NFE2L3: variants seen among roughly 807,000 people sequenced by gnomAD.
NFE2L3 encodes nuclear factor erythroid 2-related factor 3.
A neutral mutation model predicts 23.5 loss-of-function variants in NFE2L3; 18 were observed. That is an observed-to-expected ratio of 0.77 (90% CI 0.53 to 1.13). The LOEUF is 1.13. Ranked by LOEUF, NFE2L3 falls within the 50% of genes most tolerant of loss-of-function variation. The pLI, the probability that NFE2L3 is intolerant of heterozygous loss-of-function variation, is 0.00. For missense variants in NFE2L3, 1,152 were observed against 877.2 expected, an observed-to-expected ratio of 1.31 and a Z score of -3.96; for synonymous variants, 424 against 354.5, an observed-to-expected ratio of 1.20 and a Z score of -2.20.
intron 1 of NFE2L3, chr7:26,173,714 G>T (rs1784358564): frequency 6.6e-6 from 1 of 152,144 alleles, no homozygotes; most frequent in Non-Finnish European, 1.5e-5. Flanking sequence ...CTCTATCAAA[G>T]TCTTAGGATA....
In NFE2L3 at chr7:26,187,032, A is replaced by G. The variant is rs1782504632; in HGVS notation, c.*1249A>G. 1 of 152,230 alleles carries G rather than the reference A, an allele frequency of 6.6e-6. No homozygotes were observed. Among genetic ancestry groups the G allele is most frequent in the South Asian group, 2.1e-4 (1 of 4,832 alleles). 9.4% of individuals were successfully genotyped at this position (152,230 alleles called of 1,614,324 possible). A position where few individuals can be genotyped will look rare whatever the true frequency, so the allele number is the denominator to read the frequency against. On this transcript the variant is annotated 3_prime_UTR_variant, in exon 4 of 4. Transcript: ENST00000056233. ...AGATATTATTTCTGCCATAGGAGCT[A>G]CAGTGTAGAGTATCACATAAGTATC...
chr7:26,173,621 GATCA>G (rs1321867931), intron 1 of NFE2L3: 2 of 152,160 alleles, frequency 1.3e-5, no homozygotes, highest in African/African-American at 4.8e-5. Context: ...GGTAAAAAGT[GATCA>G]GTCACCTTTT....
At chr7:26,171,293 C>G (rs1481245060) in intron 1 of NFE2L3, among the ~76,000 whole-genome samples, 2 of 152,162 alleles carry the variant, frequency 1.3e-5, no homozygotes, top group Non-Finnish European at 2.9e-5. Context: ...TGCCTGTAAT[C>G]CCAGTACTTT....
chr7:26,184,213 ACCAACCGC>A, intron 3 of NFE2L3: 2 of 347,244 alleles, frequency 5.8e-6, no homozygotes, highest in South Asian at 4.0e-5. Context: ...CAATGTGATT[ACCAACCGC>A]TAGGATGAGT....
rs1372260066 is a variant in NFE2L3 at position 26,166,622 on chromosome 7, T to C, written c.571-11321T>C. Reference sequence around the variant, plus strand: ...TTACAGGGATGCCGAGCAGCTTCAATGAGATAATGTACATAGGGCCTGGCC... The same window carrying C: ...TTACAGGGATGCCGAGCAGCTTCAACGAGATAATGTACATAGGGCCTGGCC... On this transcript the variant is annotated intron_variant, in intron 1 of 3. Coordinates refer to ENST00000056233, the MANE Select transcript of NFE2L3 (RefSeq NM_004289.7). Among the ~76,000 whole-genome samples, 7 of 152,160 alleles carry C rather than the reference T, an allele frequency of 4.6e-5. No individual in the cohort carries two copies. In the East Asian group the frequency reaches 1.3e-3, roughly 29 times the overall value.
intron 1 of NFE2L3, among the ~76,000 whole-genome samples, chr7:26,171,172 C>G (rs188896676): frequency 6.6e-6 from 1 of 152,308 alleles, no homozygotes; most frequent in African/African-American, 2.4e-5. Flanking sequence ...ATCCTACTTG[C>G]ACACGTGTGC....
chr7:26,184,921 T>C lies in NFE2L3; in HGVS notation c.1223T>C (p.Val408Ala). ...ATEDNFDPID[V>A]SQLFDEPDSD... Reference sequence around the variant, plus strand: ...GAAGACAACTTTGATCCAATCGATGTTTCTCAGCTTTTTGATGAACCAGAT... The same window carrying C: ...GAAGACAACTTTGATCCAATCGATGCTTCTCAGCTTTTTGATGAACCAGAT... Residue 408 changes from valine (V) to alanine (A), a missense_variant, in exon 4 of 4, where the codon GTT (valine) becomes GCT (alanine). Val to Ala is a moderately conservative substitution (Grantham distance 64). Transcript: ENST00000056233. The C allele has an allele frequency of 1.2e-6, 2 of 1,613,962 alleles. No individual in the cohort carries two copies. The highest frequency in any genetic ancestry group is 8.5e-7 in the Non-Finnish European group (1 of 1,179,856).
intron 1 of NFE2L3, among the ~76,000 whole-genome samples, chr7:26,164,960 G>GAT (rs1442238492): frequency 6.6e-6 from 1 of 152,190 alleles, no homozygotes; most frequent in Non-Finnish European, 1.5e-5. Context: ...GATAGTTGTA[G>GAT]ATATGTGGCA....
intron 1 of NFE2L3, among the ~76,000 whole-genome samples, chr7:26,168,066 T>TA (rs1431819427): frequency 6.6e-6 from 1 of 151,974 alleles, no homozygotes; most frequent in African/African-American, 2.4e-5. Context: ...TGTAGTCTTT[T>TA]ATCCCTCACC....
At position 26,184,607 on chromosome 7, in the gene NFE2L3, A is replaced by G; in HGVS notation, c.909A>G (p.Val303=). The change falls in exon 4 of 4, where the codon GTA becomes GTG. Residue 303 remains valine, a synonymous_variant. Transcript: ENST00000056233. ...DGMNSSAHYH[V]NFSQAISQDV... ...TGAATTCTTCAGCACATTATCATGT[A>G]AACTTCAGCCAGGCTATAAGTCAGG... is the stretch of plus-strand genomic sequence containing the variant. The G allele has an allele frequency of 6.2e-7, 1 of 1,613,920 alleles. No individual in the cohort carries two copies. The highest frequency in any genetic ancestry group is 8.5e-7 in the Non-Finnish European group (1 of 1,179,798).
At chr7:26,181,323 G>C (rs976579943) in intron 2 of NFE2L3, among the ~76,000 whole-genome samples, 1 of 152,042 alleles carries the variant, frequency 6.6e-6, no homozygotes, top group Non-Finnish European at 1.5e-5. Context: ...TCTTTTATTG[G>C]GCTATTACTT....
intron 1 of NFE2L3, among the ~76,000 whole-genome samples, chr7:26,177,682 A>G (rs572636278): frequency 6.6e-6 from 1 of 152,332 alleles, no homozygotes; most frequent in Admixed American, 6.5e-5. Context: ...TTAATTTCCA[A>G]ATCTAATCTA....
Position 26,152,582 on chromosome 7 carries a change from A to G in NFE2L3, c.84A>G (p.Val28=). The G allele has an allele frequency of 3.2e-6, 5 of 1,539,614 alleles. No homozygotes were observed. The highest frequency in any genetic ancestry group is 2.7e-5 in the East Asian group (1 of 37,660). ...TLLLSLAGLR[V]DLDLYLLLPP... Reference sequence around the variant, plus strand: ...TGCTGAGCTTGGCGGGGCTCCGCGTAGACCTAGATCTTTACCTGCTGCTGC... The same window carrying G: ...TGCTGAGCTTGGCGGGGCTCCGCGTGGACCTAGATCTTTACCTGCTGCTGC... The change falls in exon 1 of 4, where the codon GTA becomes GTG. Residue 28 remains valine, a synonymous_variant. Coordinates refer to ENST00000056233, the MANE Select transcript of NFE2L3 (RefSeq NM_004289.7). This position sits in a 1 kb window ranked among gnomAD's most constrained non-coding sequence, Gnocchi z 4.4.
At position 26,184,663 on chromosome 7, in the gene NFE2L3, G is replaced by GTCCCAACAATACATTTAGAAGAGA. The variant is rs1562680073; in HGVS notation, c.969_992dup (p.Asn324_Pro331dup). 6.2e-7 allele frequency: 1 copy of GTCCCAACAATACATTTAGAAGAGA among 1,613,864 alleles called. No homozygotes were observed. The highest frequency in any genetic ancestry group is 8.5e-7 in the Non-Finnish European group (1 of 1,179,832). On this transcript the variant is annotated inframe_insertion, in exon 4 of 4. Transcript: ENST00000056233. Reference sequence around the variant, plus strand: ...AATCTTCATGAGGCCATCTTGCTTTGTCCCAACAATACATTTAGAAGAGAT... The same window carrying GTCCCAACAATACATTTAGAAGAGA: ...AATCTTCATGAGGCCATCTTGCTTTGTCCCAACAATACATTTAGAAGAGATCCCAACAATACATTTAGAAGAGAT...
chr7:26,184,656 T>C lies in NFE2L3; in HGVS notation c.958T>C (p.Leu320=). Residue 320 remains leucine (L), a synonymous_variant, in exon 4 of 4, where the codon TTG becomes CTG. Coordinates refer to ENST00000056233, the MANE Select transcript of NFE2L3 (RefSeq NM_004289.7). ...SQDVNLHEAI[L]LCPNNTFRRD... ...GGATGTGAATCTTCATGAGGCCATC[T>C]TGCTTTGTCCCAACAATACATTTAG... is the stretch of plus-strand genomic sequence containing the variant. The C allele has an allele frequency of 6.2e-7, 1 of 1,613,990 alleles. No individual in the cohort carries two copies. The highest frequency in any genetic ancestry group is 1.7e-5 in the Admixed American group (1 of 60,020).
At chr7:26,181,633 CACCTTTTAAGAATT>C (rs1338330370) in intron 2 of NFE2L3, among the ~76,000 whole-genome samples, 1 of 152,068 alleles carries the variant, frequency 6.6e-6, no homozygotes, top group Non-Finnish European at 1.5e-5. Flanking sequence ...CCAAAATGCT[CACCTTTTAAGAATT>C]AAAAATGACA....
At chr7:26,164,396 T>C (rs1784216721) in intron 1 of NFE2L3, among the ~76,000 whole-genome samples, 1 of 152,244 alleles carries the variant, frequency 6.6e-6, no homozygotes, top group South Asian at 2.1e-4. Context: ...TCTGTATTTC[T>C]CTGATGGCCA....
chr7:26,184,034 C>CCAAAGGAAAAATTATTTATCCAA, intron 3 of NFE2L3: 3 of 498,716 alleles, frequency 6.0e-6, no homozygotes, highest in Middle Eastern at 3.9e-4. Flanking sequence ...AAAGAATTAT[C>CCAAAGGAAAAATTATTTATCCAA]AGGTATTTAT....
intron 1 of NFE2L3, among the ~76,000 whole-genome samples, chr7:26,176,290 C>G (rs1784403991): frequency 6.6e-6 from 1 of 152,176 alleles, no homozygotes; most frequent in Non-Finnish European, 1.5e-5. Flanking sequence ...AATCTGATCT[C>G]TCGTTCTTTT....
Sources: allele counts gnomAD v4.1 joint callset (sites outside exome capture counted in the v4.1 genomes callset), GRCh38; gene constraint gnomAD v4.1.1; non-coding constraint Gnocchi (gnomAD v3.1); transcripts MANE v1.5; gene names NCBI Gene and HGNC (gene_info 2026-07-23, HGNC 2026-07-21).